The following HLA-F variants were observed in gnomAD, a reference collection of about 807,000 sequenced individuals.
HLA-F encodes the protein HLA class I histocompatibility antigen, alpha chain F.
In HLA-F, 46 loss-of-function variants were observed where a neutral mutation model predicts 49.5. That is an observed-to-expected ratio of 0.93 (90% confidence interval 0.73 to 1.19). The LOEUF is 1.19. Ranked by LOEUF, HLA-F falls within the 50% of genes most tolerant of loss-of-function variation. The pLI, the probability that HLA-F is intolerant of heterozygous loss-of-function variation, is 0.00. For synonymous variants in HLA-F, 203 were observed against 233.5 expected (o/e 0.87, Z 1.19); for missense variants, 496 against 579.6 (o/e 0.86, Z 1.48).
At chr6:29,726,724 C>T (rs761413239) in intron 6 of HLA-F, 159 bp from the exon 7 acceptor site, 12 of 1,224,224 alleles carry the variant, frequency 9.8e-6, no homozygotes, top group South Asian at 9.6e-5. Flanking sequence ...AGGAGCCAGT[C>T]GAACATATGC....
Position 29,732,728 on chromosome 6 carries a change from G to A in HLA-F, c.404-5394G>A, listed in dbSNP as rs140604306. ...CTCCCAAAGTGCTGGGATTATAGGC[G>A]TGAGCCACCATGCCGGCCAAAAAAG... On this transcript the variant is annotated intron_variant, in intron 3 of 4. Coordinates refer to the HLA-F transcript ENST00000465459. Among the ~76,000 whole-genome samples the A allele has an allele frequency of 2.1e-3, 321 of 152,176 alleles. 2 individuals are homozygous for A. Among genetic ancestry groups the A allele is most frequent in the African/African-American group, 7.5e-3 (311 of 41,538 alleles).
chr6:29,727,465 A>G (rs529944025), downstream of HLA-F, among the ~76,000 whole-genome samples: 2 of 152,262 alleles, frequency 1.3e-5, no homozygotes, highest in South Asian at 2.1e-4. Flanking sequence ...GAATGGCATT[A>G]CCTGTTTCAG....
intron 3 of HLA-F, 57 bp downstream of exon 3, chr6:29,724,505 G>T: frequency 6.4e-7 from 1 of 1,572,144 alleles, no homozygotes; most frequent in African/African-American, 1.4e-5. Flanking sequence ...GGATGGCCTC[G>T]CACAAGGTTG....
chr6:29,725,407 C>T, intron 4 of HLA-F, 40 bp from the exon 5 acceptor site: 1 of 1,608,290 alleles, frequency 6.2e-7, no homozygotes, highest in Non-Finnish European at 8.5e-7. Flanking sequence ...AGGGCTGAGG[C>T]CTGGAGATCA....
chr6:29,737,227 A>AAAAAAC (rs1460094324), intron 3 of HLA-F, among the ~76,000 whole-genome samples: 1 of 150,400 alleles, frequency 6.6e-6, no homozygotes, highest in East Asian at 1.9e-4. Flanking sequence ...GCAAAAAAAA[A>AAAAAAC]AAAAAAAAAA....
At position 29,726,177 on chromosome 6, in the gene HLA-F, A is replaced by G; in HGVS notation, c.1036+134A>G. 4 of 1,003,442 alleles carry G rather than the reference A, an allele frequency of 4.0e-6. 1 individual carries two copies. In the South Asian group the frequency reaches 5.1e-5, roughly 13 times the overall value. 62.2% of individuals were successfully genotyped at this position (1,003,442 alleles called of 1,614,324 possible). ...CCAGGTCCTGTTTTTGTTCTACCCC[A>G]ATCACTGACAGTGCCCAGGGCTCTG... On this transcript the variant is annotated intron_variant, in intron 6 of 6. Transcript: ENST00000259951.
intron 1 of HLA-F, 42 bp from the exon 2 acceptor site, chr6:29,723,616 C>G (rs1775611645): frequency 1.3e-6 from 2 of 1,598,274 alleles, no homozygotes; most frequent in Non-Finnish European, 1.7e-6. Context: ...GAGCCGCCTC[C>G]GGAGGAGGGT....
downstream of HLA-F, chr6:29,728,287 A>C (rs1776295653): frequency 5.6e-6 from 2 of 355,658 alleles, no homozygotes; most frequent in Non-Finnish European, 1.1e-5. Flanking sequence ...GTCCCACCCC[A>C]GTCATCTCTC....
rs773821314 is a variant in HLA-F, at chr6:29,725,218, C to T, written c.798C>T (p.Ala266=). 2.1e-5 allele frequency: 34 copies of T among 1,613,248 alleles called. No individual in the cohort carries two copies. The highest frequency in any genetic ancestry group is 2.7e-5 in the Non-Finnish European group (32 of 1,179,806). ...GGGATGGAACCTTCCAGAAGTGGGC[C>T]GCTGTGGTGGTGCCTCCTGGAGAGG... ...PAGDGTFQKW[A]AVVVPPGEEQ... Residue 266 remains alanine, a synonymous_variant, in exon 4 of 7, where the codon GCC becomes GCT. Transcript: ENST00000259951.
rs958739876 is a variant in HLA-F at position 29,725,995 on chromosome 6, C to T, written c.1004-16C>T. The T allele has an allele frequency of 6.2e-7, 1 of 1,613,964 alleles. No individual in the cohort carries two copies. On this transcript the variant is annotated splice_polypyrimidine_tract_variant and intron_variant, in intron 5 of 6. Coordinates refer to ENST00000259951, the MANE Select transcript of HLA-F (RefSeq NM_001098479.2). ...GCCTCCTTTCTGGCCTCTCACAGGA[C>T]ATTTTCTTCCCATAGATAGAAACAG...
chr6:29,735,644 C>T (rs1313256544), intron 3 of HLA-F: 1 of 151,712 alleles, frequency 6.6e-6, no homozygotes, highest in East Asian at 1.9e-4. Context: ...GTGTGGACCT[C>T]TTTAAATTTA....
At position 29,726,920 on chromosome 6, in the gene HLA-F, G is replaced by A; in HGVS notation, c.1074G>A (p.Trp358Ter). 6.2e-7 allele frequency: 1 copy of A among 1,607,642 alleles called. No homozygotes were observed. Among genetic ancestry groups the A allele is most frequent in the Non-Finnish European group, 8.5e-7 (1 of 1,179,842 alleles). The change falls in exon 7 of 7, where the codon TGG (tryptophan) becomes TGA (stop). Residue 358 changes from tryptophan to a stop codon, truncating the protein, a stop_gained. Transcript: ENST00000259951. LOFTEE classifies it high-confidence loss of function. Reference sequence around the variant, plus strand: ...TCAGCGGAAACTTGATGATAACATGGTGGTCAAGCTTATTTCTCCTGGGGG... The same window carrying A: ...TCAGCGGAAACTTGATGATAACATGATGGTCAAGCTTATTTCTCCTGGGGG... ...SVVSGNLMIT[W>*]WSSLFLLGVL...
At chr6:29,723,994 C>G in intron 2 of HLA-F, 67 bp downstream of exon 2, 1 of 1,556,644 alleles carries the variant, frequency 6.4e-7, no homozygotes, top group African/African-American at 1.4e-5. Flanking sequence ...GCCCGGGTCC[C>G]TCAGAGTCTC....
chr6:29,735,006 A>G (rs911828067), intron 3 of HLA-F: 1 of 152,100 alleles, frequency 6.6e-6, no homozygotes, highest in South Asian at 2.1e-4. Context: ...CATTCCTTTT[A>G]TGGCTAAATC....
chr6:29,738,033 A>G (rs2523392), intron 3 of HLA-F: 85,223 of 152,194 alleles, frequency 0.56, 24,074 homozygotes, highest in East Asian at 0.72. Flanking sequence ...TCCTTCCCCC[A>G]AACACGGGGA....
rs750110282 is a variant in HLA-F, at chr6:29,724,157, T to G, written c.335-16T>G. On this transcript the variant is annotated splice_polypyrimidine_tract_variant and intron_variant, in intron 2 of 6. Coordinates refer to ENST00000259951, the MANE Select transcript of HLA-F (RefSeq NM_001098479.2). ...GCGGGGCTAGCTGGGCGGGGCTGAC[T>G]GCGGGGACCGGCTAGGGTCTCACAC... 8.1e-6 allele frequency: 13 copies of G among 1,612,468 alleles called. No individual in the cohort carries two copies. Among genetic ancestry groups the G allele is most frequent in the Non-Finnish European group, 1.1e-5 (13 of 1,179,828 alleles).
intron 3 of HLA-F, chr6:29,736,614 G>C: frequency 3.0e-6 from 1 of 330,364 alleles, no homozygotes; most frequent in Non-Finnish European, 5.8e-6. Context: ...CAGCCTCCAG[G>C]AAACACCATT....
downstream of HLA-F, among the ~76,000 whole-genome samples, chr6:29,731,232 CATAG>C (rs57735158): frequency 2.2e-3 from 182 of 81,636 alleles, no homozygotes; most frequent in Middle Eastern, 6.3e-3. Context: ...TAGATGGATA[CATAG>C]ATAGATAGAT....
At chr6:29,732,769 CAG>C (rs1195959901) in intron 3 of HLA-F, among the ~76,000 whole-genome samples, 1 of 152,092 alleles carries the variant, frequency 6.6e-6, no homozygotes, top group African/African-American at 2.4e-5. Flanking sequence ...AAACTTTATA[CAG>C]AGTTTACAAC....
Sources: allele counts gnomAD v4.1 joint callset (sites outside exome capture counted in the v4.1 genomes callset), GRCh38; gene constraint gnomAD v4.1.1; transcripts MANE v1.5; gene names NCBI Gene and HGNC (gene_info 2026-07-23, HGNC 2026-07-21).